OTC: variants seen among roughly 807,000 people sequenced by gnomAD.
OTC encodes the protein ornithine transcarbamylase, mitochondrial.
Under a neutral mutation model 30.3 loss-of-function variants are expected in OTC, and 3 were observed. The ratio of observed to expected loss-of-function variants is 0.10; its 90% CI spans 0.05 to 0.26. OTC has a LOEUF of 0.26. Among genes scored for constraint, OTC ranks in the 10% least tolerant of loss-of-function variants. OTC has a pLI of 1.00. For synonymous variants in OTC, 111 were observed against 99.7 expected (o/e 1.11, Z -0.67); for missense variants, 194 against 260.3 (o/e 0.75, Z 1.75).
intron 8 of OTC, among the ~76,000 whole-genome samples, chrX:38,409,869 A>T (rs1017266074): frequency 1.8e-5 from 2 of 112,118 alleles, no homozygotes; most frequent in African/African-American, 6.5e-5. Flanking sequence ...TTGAAAAATA[A>T]AAAGTAAAAA....
chrX:38,333,215 C>CAAA, the OTC span, among the ~76,000 whole-genome samples: 3 of 47,166 alleles, frequency 6.4e-5, no homozygotes, highest in African/African-American at 1.2e-4. Flanking sequence ...AACTCTGTCT[C>CAAA]AAAAAAAAAA....
chrX:38,367,174 C>CA lies in OTC; in HGVS notation c.78-103dup, dbSNP rs755821521. The CA allele has an allele frequency of 0.084, 38,346 of 456,546 alleles. 129 individuals carry two copies. Among genetic ancestry groups the CA allele is most frequent in the African/African-American group, 0.14 (4,072 of 29,397 alleles). The allele number at this position is 456,546 out of a possible 1,213,427, so 37.6% of individuals were successfully genotyped here. On this transcript the variant is annotated intron_variant, in intron 1 of 9. Coordinates refer to ENST00000039007, the MANE Select transcript of OTC (RefSeq NM_000531.6). ...TGGGCCACAGAGTGAGAACCTGTCT[C>CA]AAAAAAAAAAAAAAGAAAAGAAAAG...
Position 38,413,900 on chromosome X carries a change from C to T in OTC, c.1005+1901C>T, listed in dbSNP as rs1286939950. Among the ~76,000 whole-genome samples the T allele has an allele frequency of 2.8e-5, 3 of 108,722 alleles. No individual in the cohort carries two copies. In the East Asian group the frequency reaches 8.7e-4, roughly 31 times the overall value. The allele number at this position is 108,722 out of a possible 115,157, so 94.4% of individuals were successfully genotyped here. On this transcript the variant is annotated intron_variant, in intron 9 of 9. Transcript: ENST00000039007. ...TGTTGCCCAGGCTGGTCTCGAACTC[C>T]TGACCTCAAATGATCCACCCACCTC...
chrX:38,388,244 C>T (rs1388784679), intron 4 of OTC, among the ~76,000 whole-genome samples: 2 of 111,520 alleles, frequency 1.8e-5, no homozygotes, highest in Non-Finnish European at 3.8e-5. Context: ...GCCTAGGTTC[C>T]CCTGGATAGA....
At chrX:38,355,810 G>A (rs923607530) in intron 1 of OTC, among the ~76,000 whole-genome samples, 1 of 112,211 alleles carries the variant, frequency 8.9e-6, no homozygotes, top group South Asian at 3.7e-4. Context: ...GCCGAGGTGG[G>A]TGGATCACCT....
chrX:38,369,994 A>AT lies in OTC; in HGVS notation c.298+122dup, dbSNP rs780827190. 7.5e-4 allele frequency: 366 copies of AT among 488,515 alleles called. 1 individual carries two copies. The East Asian group carries it at 0.012, about 16-fold the overall frequency. 40.3% of individuals were successfully genotyped at this position (488,515 alleles called of 1,213,427 possible). A position where few individuals can be genotyped will look rare whatever the true frequency, so the allele number is the denominator to read the frequency against. On this transcript the variant is annotated intron_variant, in intron 3 of 9. Coordinates refer to ENST00000039007, the MANE Select transcript of OTC (RefSeq NM_000531.6). Reference sequence around the variant, plus strand: ...CTCTAGCAACCACAAAGAAAAAATCATTTTTACTGGGAGCAGCAATGCAAG... The same window carrying AT: ...CTCTAGCAACCACAAAGAAAAAATCATTTTTTACTGGGAGCAGCAATGCAAG...
chrX:38,412,080 G>A (rs752514078), intron 9 of OTC, 81 bp downstream of exon 9: 164 of 995,394 alleles, frequency 1.6e-4, no homozygotes, highest in Non-Finnish European at 2.2e-4. Flanking sequence ...GAAATAATAA[G>A]CAAGTGAGAT....
the OTC span, among the ~76,000 whole-genome samples, chrX:38,330,222 A>G: frequency 2.7e-5 from 3 of 112,027 alleles, no homozygotes; most frequent in Non-Finnish European, 5.6e-5. Context: ...GAGGAATGCA[A>G]GCAGCCTCTG....
the OTC span, among the ~76,000 whole-genome samples, chrX:38,331,676 G>A: frequency 1.7e-4 from 19 of 109,212 alleles, no homozygotes; most frequent in Non-Finnish European, 3.2e-4. Flanking sequence ...TCTGCCTCCC[G>A]GGCTCAACCA....
chrX:38,419,819 T>C, intron 9 of OTC, among the ~76,000 whole-genome samples: 1 of 111,020 alleles, frequency 9.0e-6, no homozygotes, highest in South Asian at 3.8e-4. Flanking sequence ...GTTGAACTCA[T>C]AGAAGTAGAG....
chrX:38,363,625 T>A (rs2068282185), intron 1 of OTC, among the ~76,000 whole-genome samples: 1 of 111,175 alleles, frequency 9.0e-6, no homozygotes, highest in Admixed American at 9.6e-5. Flanking sequence ...AGAAAACACA[T>A]AACCAAAATT....
upstream of OTC, among the ~76,000 whole-genome samples, chrX:38,351,380 C>T (rs1289206638): frequency 8.9e-6 from 1 of 111,766 alleles, no homozygotes; most frequent in African/African-American, 3.3e-5. Context: ...CCTGCCCCTC[C>T]TCTCCTTCCT....
Position 38,408,869 on chromosome X carries a change from A to G in OTC, c.718-7A>G, listed in dbSNP as rs766049162. 4 of 1,208,404 alleles carry G rather than the reference A, an allele frequency of 3.3e-6. No individual in the cohort carries two copies. Among genetic ancestry groups the G allele is most frequent in the Non-Finnish European group, 4.5e-6 (4 of 894,423 alleles). On this transcript the variant is annotated splice_polypyrimidine_tract_variant and splice_region_variant and intron_variant, in intron 7 of 9. Transcript: ENST00000039007. ...AGTTATTTAACCAGCGTGTTTATGT[A>G]TGCTAGAATGGTACCAAGCTGTTGC...
intron 1 of OTC, among the ~76,000 whole-genome samples, chrX:38,364,393 A>G (rs1281149411): frequency 8.9e-6 from 1 of 112,167 alleles, no homozygotes; most frequent in Non-Finnish European, 1.9e-5. Context: ...AAAGACAATA[A>G]TACATCTTTG....
At chrX:38,392,960 T>C (rs1334014668) in intron 4 of OTC, among the ~76,000 whole-genome samples, 1 of 112,341 alleles carries the variant, frequency 8.9e-6, no homozygotes, top group African/African-American at 3.2e-5. Context: ...ATAATAAACG[T>C]TCCTCAAAGC....
At chrX:38,370,430 T>C (rs770808478) in intron 3 of OTC, among the ~76,000 whole-genome samples, 1 of 111,901 alleles carries the variant, frequency 8.9e-6, no homozygotes, top group Non-Finnish European at 1.9e-5. Context: ...TCATCAAATA[T>C]CCATGCTAGG....
intron 4 of OTC, among the ~76,000 whole-genome samples, chrX:38,391,301 G>C (rs993403831): frequency 9.0e-6 from 1 of 110,950 alleles, no homozygotes; most frequent in Non-Finnish European, 1.9e-5. Flanking sequence ...GTTAAATGAC[G>C]AGTTGATGGG....
intron 4 of OTC, among the ~76,000 whole-genome samples, 194 bp from the exon 5 acceptor site, chrX:38,401,081 G>A (rs769794826): frequency 1.8e-4 from 20 of 112,099 alleles, no homozygotes; most frequent in African/African-American, 4.9e-4. Context: ...TGGATAAGTC[G>A]TGGGAGGTAG....
chrX:38,348,913 A>G (rs2068201870), upstream of OTC, among the ~76,000 whole-genome samples: 1 of 111,751 alleles, frequency 8.9e-6, no homozygotes, highest in Non-Finnish European at 1.9e-5. Context: ...GTTATTAAAC[A>G]TTTACCAGCA....
Sources: allele counts gnomAD v4.1 joint callset (sites outside exome capture counted in the v4.1 genomes callset), GRCh38; gene constraint gnomAD v4.1.1; transcripts MANE v1.5; gene names NCBI Gene and HGNC (gene_info 2026-07-23, HGNC 2026-07-21).